SPPL2A: variants seen among roughly 807,000 people sequenced by gnomAD.
The protein encoded by SPPL2A is signal peptide peptidase-like 2A.
SPPL2A carries 51 observed loss-of-function variants against 63.8 expected under a neutral mutation model. That is an observed-to-expected ratio of 0.80 (90% CI 0.64 to 1.01). The LOEUF (loss-of-function observed/expected upper bound fraction) is 1.01, where lower values mean the gene tolerates loss of function less well. Ranked by LOEUF, SPPL2A falls within the 50% of genes least tolerant of loss-of-function variation. SPPL2A has a pLI of 0.00. For missense variants in SPPL2A, 553 were observed against 622.7 expected (o/e 0.89, Z 1.19); for synonymous variants, 188 against 205.8 (o/e 0.91, Z 0.74).
intron 1 of SPPL2A, among the ~76,000 whole-genome samples, chr15:50,757,667 A>C (rs1048691499): frequency 4.6e-5 from 7 of 152,162 alleles, no homozygotes; most frequent in African/African-American, 1.7e-4. Context: ...TGACTTTATG[A>C]GGTGCCTGTT....
intron 5 of SPPL2A, among the ~76,000 whole-genome samples, chr15:50,741,024 T>C (rs1482978651): frequency 6.6e-6 from 1 of 152,200 alleles, no homozygotes; most frequent in Non-Finnish European, 1.5e-5. Flanking sequence ...AAGGCATAAC[T>C]TTGTCCTACC....
In SPPL2A at chr15:50,720,134, T is replaced by C. The variant is rs373935509; in HGVS notation, c.1328-34A>G. 4.5e-6 allele frequency: 7 copies of C among 1,558,978 alleles called. No individual in the cohort carries two copies. In the African/African-American group the frequency reaches 8.2e-5, roughly 18 times the overall value. On this transcript the variant is annotated intron_variant, in intron 13 of 14. Coordinates refer to ENST00000261854, the MANE Select transcript of SPPL2A (RefSeq NM_032802.4). Reference sequence around the variant, plus strand: ...AGAATACCAAGCTATAAGTCATTTCTACATGTTACCAAAGGTGGGTTTTTT... The same window carrying C: ...AGAATACCAAGCTATAAGTCATTTCCACATGTTACCAAAGGTGGGTTTTTT...
chr15:50,742,621 C>T (rs1340497212), intron 5 of SPPL2A: 1 of 152,000 alleles, frequency 6.6e-6, no homozygotes, highest in East Asian at 1.9e-4. Flanking sequence ...GGAACTTTTT[C>T]CTTTACATCA....
In SPPL2A at chr15:50,738,835, G is replaced by T. The variant is rs189490953; in HGVS notation, c.733+845C>A. The stretch of plus-strand genomic sequence containing the variant: ...CTCCCACTTTCTTCAAGGAAAAAAA[G>T]AACTAGTTACTTTCTAGACCACAGG... On this transcript the variant is annotated intron_variant, in intron 6 of 14. Transcript: ENST00000261854. Among the ~76,000 whole-genome samples, 10 of 152,210 alleles carry T rather than the reference G, an allele frequency of 6.6e-5. No individual in the cohort carries two copies. In the East Asian group the frequency reaches 1.9e-3, roughly 29 times the overall value.
rs2062803907 is a variant in SPPL2A at position 50,739,785 on chromosome 15, T to C, written c.628A>G (p.Lys210Glu). 5 of 1,605,716 alleles carry C rather than the reference T, an allele frequency of 3.1e-6. No homozygotes were observed. Among genetic ancestry groups the C allele is most frequent in the Admixed American group, 1.7e-5 (1 of 57,650 alleles). The stretch of plus-strand genomic sequence containing the variant: ...AAAGTTAAATATTCTTCCTTCTTTT[T>C]CCTCATTTCTCTATCTTCAGTTGTC... ...AVTTEDREMR[K>E]KKEEYLTFSP... Residue 210 changes from lysine (K) to glutamate (E), a missense_variant, in exon 6 of 15, where the codon AAA becomes GAA. Lys to Glu is a moderately conservative substitution (Grantham distance 56). Transcript: ENST00000261854.
rs1415457863 is a variant in SPPL2A, at chr15:50,706,377, G to A, written c.*1423C>T. Reference sequence around the variant, plus strand: ...TGCACTCCAGCCTGGGCGACAGAGCGAGACTCCGTCTCAAAAAAAAAAAAA... The same window carrying A: ...TGCACTCCAGCCTGGGCGACAGAGCAAGACTCCGTCTCAAAAAAAAAAAAA... On this transcript the variant is annotated 3_prime_UTR_variant, in exon 15 of 15. Coordinates refer to ENST00000261854, the MANE Select transcript of SPPL2A (RefSeq NM_032802.4). 8.1e-6 allele frequency: 1 copy of A among 123,082 alleles called. No homozygotes were observed. Among genetic ancestry groups the A allele is most frequent in the Non-Finnish European group, 1.6e-5 (1 of 61,058 alleles). The allele number at this position is 123,082 out of a possible 1,614,324, so 7.6% of individuals were successfully genotyped here. A position where few individuals can be genotyped will look rare whatever the true frequency, so the allele number is the denominator to read the frequency against.
At chr15:50,755,308 A>T (rs533653782) in intron 1 of SPPL2A, among the ~76,000 whole-genome samples, 1 of 145,370 alleles carries the variant, frequency 6.9e-6, no homozygotes, top group Non-Finnish European at 1.5e-5. Context: ...ACAGAACGAG[A>T]CTCTGTCTCA....
At chr15:50,756,305 G>C (rs1035116390) in intron 1 of SPPL2A, among the ~76,000 whole-genome samples, 1 of 142,744 alleles carries the variant, frequency 7.0e-6, no homozygotes, top group African/African-American at 2.6e-5. Context: ...AGCTTGCAGT[G>C]AGCTGAGATC....
At position 50,736,468 on chromosome 15, in the gene SPPL2A, T is replaced by C. The variant is rs147586794; in HGVS notation, c.830+176A>G. Among the ~76,000 whole-genome samples, 966 of 152,348 alleles carry C rather than the reference T, an allele frequency of 6.3e-3. 14 individuals are homozygous for C. Among genetic ancestry groups the C allele is most frequent in the African/African-American group, 0.022 (925 of 41,576 alleles). On this transcript the variant is annotated intron_variant, in intron 7 of 14. Transcript: ENST00000261854. ...GGCTATTGAGCACTTGAAATGTGGC[T>C]AATAAGAATGAAAAACTCAATTTTT...
In SPPL2A at chr15:50,732,727, G is replaced by A. The variant is rs1275942643; in HGVS notation, c.933-43C>T. 3 of 1,188,980 alleles carry A rather than the reference G, an allele frequency of 2.5e-6. No individual in the cohort carries two copies. The African/African-American group carries it at 4.6e-5, about 18-fold the overall frequency. 73.7% of individuals were successfully genotyped at this position (1,188,980 alleles called of 1,614,324 possible). A position where few individuals can be genotyped will look rare whatever the true frequency, so the allele number is the denominator to read the frequency against. ...TACTCTATTGCTTTATCAATGTTTAGATGAAGCCTTTCAAAAGACATAGAT... is the reference window on the plus strand; with the variant it reads ...TACTCTATTGCTTTATCAATGTTTAAATGAAGCCTTTCAAAAGACATAGAT... On this transcript the variant is annotated intron_variant, in intron 8 of 14. Coordinates refer to ENST00000261854, the MANE Select transcript of SPPL2A (RefSeq NM_032802.4).
intron 1 of SPPL2A, among the ~76,000 whole-genome samples, chr15:50,757,989 T>TAAAA (rs71210386): frequency 6.8e-4 from 42 of 61,322 alleles, no homozygotes; most frequent in Admixed American, 1.5e-3. Flanking sequence ...GTCTCAATTA[T>TAAAA]AAAAAAAAAA....
intron 1 of SPPL2A, among the ~76,000 whole-genome samples, chr15:50,760,375 C>T (rs7170939): frequency 0.16 from 24,475 of 152,124 alleles, 2,525 homozygotes; most frequent in East Asian, 0.45. Context: ...ATTCTCCTGC[C>T]TCAGCCTCCC....
At chr15:50,759,393 C>T (rs1394754667) in intron 1 of SPPL2A, among the ~76,000 whole-genome samples, 2 of 151,942 alleles carry the variant, frequency 1.3e-5, no homozygotes, top group South Asian at 2.1e-4. Context: ...CTAACCAGGG[C>T]AACAGAGCAA....
intron 14 of SPPL2A, among the ~76,000 whole-genome samples, chr15:50,716,763 C>A (rs1374432794): frequency 6.6e-6 from 1 of 152,146 alleles, no homozygotes; most frequent in Non-Finnish European, 1.5e-5. Context: ...TAATAGAAAT[C>A]TCTTGCTCAC....
At chr15:50,731,927 C>CAAAAAAAAAAAAAA (rs60624824) in intron 9 of SPPL2A, among the ~76,000 whole-genome samples, 4 of 64,190 alleles carry the variant, frequency 6.2e-5, no homozygotes, top group African/African-American at 1.4e-4. Context: ...GACTCCATCT[C>CAAAAAAAAAAAAAA]AAAAAAAAAA....
rs942315267 is a variant in SPPL2A at position 50,704,601 on chromosome 15, A to C, written c.*3199T>G. The C allele has an allele frequency of 6.6e-6, 1 of 152,122 alleles. No individual in the cohort carries two copies. The highest frequency in any genetic ancestry group is 1.5e-5 in the Non-Finnish European group (1 of 68,014). The allele number at this position is 152,122 out of a possible 1,614,324, so 9.4% of individuals were successfully genotyped here. On this transcript the variant is annotated 3_prime_UTR_variant, in exon 15 of 15. Transcript: ENST00000261854. The stretch of plus-strand genomic sequence containing the variant: ...TTTTAAAGACATGTTTAGGGAAAAA[A>C]CCAGCTTCTCTTCCCCTTAAAGTTA...
chr15:50,714,669 C>T (rs1046109179), intron 14 of SPPL2A, among the ~76,000 whole-genome samples: 3 of 143,086 alleles, frequency 2.1e-5, no homozygotes, highest in South Asian at 2.3e-4. Context: ...TGGCCGGGCA[C>T]GGTGGCTCAT....
In SPPL2A at chr15:50,749,682, A is replaced by G. The variant is rs2062891178; in HGVS notation, c.131T>C (p.Leu44Pro). Residue 44 changes from leucine (L) to proline (P), a missense_variant, in exon 2 of 15, where the codon CTT becomes CCT. Coordinates refer to ENST00000261854, the MANE Select transcript of SPPL2A (RefSeq NM_032802.4). ...AAGAGCTGTCCAATAAGGGTTATAA[A>G]GCATGCAGTAGTCCTTGGTTGTGCC... is the stretch of plus-strand genomic sequence containing the variant. ...GNGTTKDYCM[L>P]YNPYWTALPS... is the part of the protein sequence containing the mutation. The G allele has an allele frequency of 6.2e-7, 1 of 1,613,494 alleles. No individual in the cohort carries two copies. Among genetic ancestry groups the G allele is most frequent in the Non-Finnish European group, 8.5e-7 (1 of 1,179,420 alleles).
At chr15:50,726,172 CT>C in intron 11 of SPPL2A, 148 bp downstream of exon 11, 1 of 1,492,714 alleles carries the variant, frequency 6.7e-7, no homozygotes, top group East Asian at 2.5e-5. Flanking sequence ...TTTAGAATAA[CT>C]AAGAAAAGAG....
Sources: gnomAD v4.1 joint callset for allele counts (sites outside exome capture counted in the v4.1 genomes callset) on GRCh38, gnomAD v4.1.1 for gene constraint, MANE v1.5 for transcripts, NCBI Gene and HGNC (gene_info 2026-07-23, HGNC 2026-07-21) for gene names.